Variants in CCNB1 observed in about 807,000 individuals in gnomAD.
CCNB1 encodes the protein G2/mitotic-specific cyclin-B1.
A neutral mutation model predicts 44.4 loss-of-function variants in CCNB1; 26 were observed. The ratio of observed to expected loss-of-function variants is 0.59; its 90% CI spans 0.43 to 0.81. The LOEUF (loss-of-function observed/expected upper bound fraction) is 0.81, where lower values mean the gene tolerates loss of function less well. Ranked by LOEUF, CCNB1 falls within the 40% of genes least tolerant of loss-of-function variation. CCNB1 has a pLI of 0.00. For missense variants in CCNB1, 477 were observed against 520.9 expected, an observed-to-expected ratio of 0.92 and a Z score of 0.82; for synonymous variants, 195 against 181.4, an observed-to-expected ratio of 1.08 and a Z score of -0.60.
chr5:69,167,349 C>T (rs773859224), intron 1 of CCNB1, 66 bp downstream of exon 1: 3 of 1,570,018 alleles, frequency 1.9e-6, no homozygotes, highest in East Asian at 2.3e-5. Context: ...CCTGCCTCGC[C>T]TGCGGGAGCC....
intron 3 of CCNB1, 59 bp downstream of exon 3, chr5:69,168,402 G>C: frequency 6.3e-7 from 1 of 1,589,986 alleles, no homozygotes; most frequent in Non-Finnish European, 8.6e-7. Context: ...TTATTTCACT[G>C]ATACATGCAA....
intron 7 of CCNB1, 43 bp downstream of exon 7, chr5:69,175,580 A>G: frequency 4.4e-6 from 7 of 1,585,562 alleles, no homozygotes; most frequent in Non-Finnish European, 6.0e-6. Flanking sequence ...TAAATTTTAA[A>G]GAGTGACTAA....
intron 4 of CCNB1, among the ~76,000 whole-genome samples, chr5:69,172,964 G>A (rs898141223): frequency 8.6e-5 from 13 of 151,844 alleles, no homozygotes; most frequent in South Asian, 2.1e-4. Flanking sequence ...TAGTAGAGAC[G>A]GGGTTTCACC....
At chr5:69,174,654 G>A (rs1747539932) in intron 5 of CCNB1, among the ~76,000 whole-genome samples, 2 of 152,066 alleles carry the variant, frequency 1.3e-5, no homozygotes. Context: ...GGCGGAGGTT[G>A]CAGTGAGCTG....
rs773113016 is a variant in CCNB1, at chr5:69,177,509, C to A, written c.1195-15C>A. 25 of 1,565,382 alleles carry A rather than the reference C, an allele frequency of 1.6e-5. No individual in the cohort carries two copies. Among genetic ancestry groups the A allele is most frequent in the South Asian group, 2.3e-5 (2 of 88,702 alleles). ...TTTCTTTTGCCTCTTTAATTGCTAT[C>A]TTTTTGTCTTCCAGACTGTCAAGAA... On this transcript the variant is annotated splice_polypyrimidine_tract_variant and intron_variant, in intron 8 of 8. Coordinates refer to ENST00000256442, the MANE Select transcript of CCNB1 (RefSeq NM_031966.4).
Position 69,168,214 on chromosome 5 carries a change from A to G in CCNB1, c.234A>G (p.Lys78=). 1 of 1,614,206 alleles carries G rather than the reference A, an allele frequency of 6.2e-7. No homozygotes were observed. Among genetic ancestry groups the G allele is most frequent in the South Asian group, 1.1e-5 (1 of 91,080 alleles). Residue 78 remains lysine, a synonymous_variant, in exon 3 of 9, where the codon AAA becomes AAG. Coordinates refer to ENST00000256442, the MANE Select transcript of CCNB1 (RefSeq NM_031966.4). ...CTACTGGAAAAGTCATTGATAAAAAACTACCAAAACCTCTTGAAAAGGTAC... is the reference window on the plus strand; with the variant it reads ...CTACTGGAAAAGTCATTGATAAAAAGCTACCAAAACCTCTTGAAAAGGTAC... The part of the protein sequence containing the change: ...PSATGKVIDK[K]LPKPLEKVPM...
intron 6 of CCNB1, 66 bp from the exon 7 acceptor site, chr5:69,175,331 G>C: frequency 6.8e-7 from 1 of 1,466,906 alleles, no homozygotes; most frequent in Non-Finnish European, 9.4e-7. Flanking sequence ...GATACATATG[G>C]GCATGCAGGT....
In CCNB1 at chr5:69,175,092, G is replaced by C. The variant is rs1413353973; in HGVS notation, c.921G>C (p.Arg307=). Residue 307 remains arginine, a synonymous_variant, in exon 6 of 9, where the codon CGG becomes CGC. Transcript: ENST00000256442. ...LGRPLPLHFL[R]RASKIGEVDV... ...GGCCTCTACCTTTGCACTTCCTTCG[G>C]AGAGCATCTAAGATTGGAGAGGTAC... 6.2e-7 allele frequency: 1 copy of C among 1,612,920 alleles called. No individual in the cohort carries two copies. The highest frequency in any genetic ancestry group is 1.1e-5 in the South Asian group (1 of 91,062).
rs374353420 is a variant in CCNB1 at position 69,171,286 on chromosome 5, C to T, written c.380C>T (p.Pro127Leu). The T allele has an allele frequency of 2.0e-4, 327 of 1,610,612 alleles. 7 individuals carry two copies. In the South Asian group the frequency reaches 3.4e-3, roughly 17 times the overall value. Residue 127 changes from proline (P) to leucine (L), a missense_variant, in exon 4 of 9, where the codon CCA becomes CTA. Physicochemically the swap from Pro to Leu is moderately conservative, Grantham distance 98. Transcript: ENST00000256442. ...PEPILVDTAS[P>L]SPMETSGCAP... ...TGTTTCAAGGTTGATACTGCCTCTC[C>T]AAGCCCAATGGAAACATCTGGATGT...
Position 69,171,293 on chromosome 5 carries a change from A to C in CCNB1, c.387A>C (p.Pro129=). ...PILVDTASPS[P]METSGCAPAE... is the part of the protein sequence containing the mutation. ...AGGTTGATACTGCCTCTCCAAGCCCAATGGAAACATCTGGATGTGCCCCTG... is the reference window on the plus strand; with the variant it reads ...AGGTTGATACTGCCTCTCCAAGCCCCATGGAAACATCTGGATGTGCCCCTG... Residue 129 remains proline, a synonymous_variant, in exon 4 of 9, where the codon CCA becomes CCC. Transcript: ENST00000256442. 1.2e-6 allele frequency: 2 copies of C among 1,610,914 alleles called. No homozygotes were observed. The highest frequency in any genetic ancestry group is 1.7e-6 in the Non-Finnish European group (2 of 1,179,274).
In CCNB1 at chr5:69,174,405, T is replaced by C; in HGVS notation, c.701T>C (p.Met234Thr). 1 of 1,613,492 alleles carries C rather than the reference T, an allele frequency of 6.2e-7. No individual in the cohort carries two copies. The highest frequency in any genetic ancestry group is 1.1e-5 in the South Asian group (1 of 90,902). ...ACTGTCTCCATTATTGATCGGTTCA[T>C]GCAGGTGAGCATTTCAGTAAGAGTT... ...YMTVSIIDRF[M>T]QNNCVPKKML... The change falls in exon 5 of 9, where the codon ATG (methionine) becomes ACG (threonine). Residue 234 changes from methionine (M) to threonine (T), a missense_variant. Physicochemically the swap from Met to Thr is moderately conservative, Grantham distance 81 (BLOSUM62 -1). Transcript: ENST00000256442.
At position 69,177,519 on chromosome 5, in the gene CCNB1, T is replaced by C; in HGVS notation, c.1195-5T>C. 1 of 1,600,060 alleles carries C rather than the reference T, an allele frequency of 6.2e-7. No individual in the cohort carries two copies. On this transcript the variant is annotated splice_polypyrimidine_tract_variant and splice_region_variant and intron_variant, in intron 8 of 8. Transcript: ENST00000256442. ...CTCTTTAATTGCTATCTTTTTGTCT[T>C]CCAGACTGTCAAGAACAAGTATGCC...
Position 69,171,319 on chromosome 5 carries a change from CAGA to C in CCNB1, c.420_422del (p.Glu140del), listed in dbSNP as rs748224599. ...ATGGAAACATCTGGATGTGCCCCTG[CAGA>C]AGAAGACCTGTGTCAGGCTTTCTCT... On this transcript the variant is annotated inframe_deletion, in exon 4 of 9. Transcript: ENST00000256442. The C allele has an allele frequency of 2.5e-6, 4 of 1,613,806 alleles. No homozygotes were observed. Among genetic ancestry groups the C allele is most frequent in the South Asian group, 1.1e-5 (1 of 90,988 alleles).
rs1397456815 is a variant in CCNB1, at chr5:69,177,914, A to G, written c.*283A>G. On this transcript the variant is annotated 3_prime_UTR_variant, in exon 9 of 9. Coordinates refer to ENST00000256442, the MANE Select transcript of CCNB1 (RefSeq NM_031966.4). ...TTCTTGTTTTATATACCTGGCTTTT[A>G]CTTTATTAATATGAGTTACTGAAGG... 2 of 261,274 alleles carry G rather than the reference A, an allele frequency of 7.7e-6. No homozygotes were observed. The highest frequency in any genetic ancestry group is 1.5e-5 in the Non-Finnish European group (2 of 136,938). The allele number at this position is 261,274 out of a possible 1,614,324, so 16.2% of individuals were successfully genotyped here. A position where few individuals can be genotyped will look rare whatever the true frequency, so the allele number is the denominator to read the frequency against.
At chr5:69,168,891 C>T (rs1298420896) in intron 3 of CCNB1, among the ~76,000 whole-genome samples, 1 of 152,108 alleles carries the variant, frequency 6.6e-6, no homozygotes, top group African/African-American at 2.4e-5. Context: ...GATGAATTAA[C>T]ACTTAGCCTC....
intron 1 of CCNB1, 79 bp downstream of exon 1, chr5:69,167,362 C>A (rs1460863094): frequency 6.5e-7 from 1 of 1,547,192 alleles, no homozygotes; most frequent in Non-Finnish European, 8.8e-7. Flanking sequence ...CGGGAGCCTC[C>A]CGAGCGGGAG....
intron 3 of CCNB1, 144 bp from the exon 4 acceptor site, chr5:69,171,126 A>G (rs1580210098): frequency 1.6e-6 from 1 of 613,414 alleles, no homozygotes; most frequent in Non-Finnish European, 2.8e-6. Flanking sequence ...AATAAATCTG[A>G]AAAGATACTT....
intron 4 of CCNB1, among the ~76,000 whole-genome samples, chr5:69,172,016 T>C (rs543477822): frequency 6.6e-5 from 10 of 152,206 alleles, no homozygotes; most frequent in Non-Finnish European, 7.4e-5. Flanking sequence ...GCACTCTTTA[T>C]GGCAGCATAA....
chr5:69,171,159 A>G (rs537679771), intron 3 of CCNB1, 111 bp from the exon 4 acceptor site: 30 of 677,368 alleles, frequency 4.4e-5, no homozygotes, highest in Non-Finnish European at 6.2e-5. Context: ...AATGAATTGT[A>G]TGCCGATTCA....
Sources: allele counts gnomAD v4.1 joint callset (sites outside exome capture counted in the v4.1 genomes callset), GRCh38; gene constraint gnomAD v4.1.1; transcripts MANE v1.5; gene names NCBI Gene and HGNC (gene_info 2026-07-23, HGNC 2026-07-21).